Variants in UTRN observed in about 807,000 individuals in gnomAD.
UTRN encodes the protein dystrophin-related protein 1.
Under a neutral mutation model 463.9 loss-of-function variants are expected in UTRN, and 283 were observed. The ratio of observed to expected loss-of-function variants is 0.61; its 90% CI spans 0.55 to 0.67. The LOEUF is 0.67. Among genes scored for constraint, UTRN ranks in the 30% least tolerant of loss-of-function variants. UTRN has a pLI of 0.00. For synonymous variants in UTRN, 1,442 were observed against 1,431.5 expected (o/e 1.01, Z -0.17); for missense variants, 3,922 against 4,084.3 (o/e 0.96, Z 1.08).
At chr6:144,770,858 G>A (rs1793930574) in intron 58 of UTRN, among the ~76,000 whole-genome samples, 1 of 152,178 alleles carries the variant, frequency 6.6e-6, no homozygotes, top group Non-Finnish European at 1.5e-5. Context: ...ACTTGCCTGA[G>A]GGGAGTGGGG....
intron 2 of UTRN, among the ~76,000 whole-genome samples, chr6:144,352,274 T>A (rs1472904311): frequency 6.6e-6 from 1 of 152,190 alleles, no homozygotes; most frequent in Non-Finnish European, 1.5e-5. Context: ...AAAAGTAGAA[T>A]CTTTTTTGTG....
At position 144,632,616 on chromosome 6, in the gene UTRN, T is replaced by C. The variant is rs1585678587; in HGVS notation, c.7480-45790T>C. 2.6e-5 allele frequency among the ~76,000 whole-genome samples: 4 copies of C among 152,342 alleles called. No individual in the cohort carries two copies. In the South Asian group the frequency reaches 8.3e-4, roughly 32 times the overall value. On this transcript the variant is annotated intron_variant, in intron 51 of 74. Coordinates refer to ENST00000367545, the MANE Select transcript of UTRN (RefSeq NM_007124.3). ...ACTCCTTTCTCTGATACCTGCGGTC[T>C]TATTTAATTTTTACATCTTAACAGC...
chr6:144,604,422 T>G (rs1392068955), intron 51 of UTRN, among the ~76,000 whole-genome samples: 1 of 152,196 alleles, frequency 6.6e-6, no homozygotes, highest in Non-Finnish European at 1.5e-5. Context: ...TCTAGGCCGA[T>G]CTGCAAGATT....
chr6:144,674,203 A>G lies in UTRN; in HGVS notation c.7480-4203A>G, dbSNP rs549707144. On this transcript the variant is annotated intron_variant, in intron 51 of 74. Coordinates refer to ENST00000367545, the MANE Select transcript of UTRN (RefSeq NM_007124.3). ...GGATGTCTAGATTTTTAGCAAAACC[A>G]TGGAAGTTTTCATTGATTTTTTTTT... is the stretch of plus-strand genomic sequence containing the variant. Among the ~76,000 whole-genome samples, 5 of 146,702 alleles carry G rather than the reference A, an allele frequency of 3.4e-5. No homozygotes were observed. In the South Asian group the frequency reaches 8.7e-4, roughly 26 times the overall value.
chr6:144,462,906 G>A (rs769017242), intron 23 of UTRN, 40 bp downstream of exon 23: 13 of 1,426,142 alleles, frequency 9.1e-6, no homozygotes, highest in Non-Finnish European at 1.1e-5. Context: ...TTTATTACGG[G>A]GTAAATAGTA....
At chr6:144,536,828 T>G (rs1022929405) in intron 43 of UTRN, among the ~76,000 whole-genome samples, 16 of 152,084 alleles carry the variant, frequency 1.1e-4, no homozygotes, top group Non-Finnish European at 1.6e-4. Flanking sequence ...TCTAATCATA[T>G]TCCTCTCTTC....
At chr6:144,299,612 G>A (rs1805052339) in intron 2 of UTRN, among the ~76,000 whole-genome samples, 1 of 152,010 alleles carries the variant, frequency 6.6e-6, no homozygotes, top group South Asian at 2.1e-4. Flanking sequence ...GCGCTCCTTA[G>A]TTATTGCTGC....
chr6:144,711,016 T>A (rs536768858), intron 53 of UTRN, among the ~76,000 whole-genome samples: 2 of 152,294 alleles, frequency 1.3e-5, no homozygotes, highest in South Asian at 2.1e-4. Context: ...TTTTAAGGAC[T>A]GTTTTAAAAT....
intron 2 of UTRN, among the ~76,000 whole-genome samples, chr6:144,359,066 A>G (rs1778815483): frequency 6.6e-6 from 1 of 152,174 alleles, no homozygotes; most frequent in Non-Finnish European, 1.5e-5. Context: ...TTTCAACATT[A>G]TGGATAATAG....
intron 74 of UTRN, among the ~76,000 whole-genome samples, chr6:144,850,764 CAA>C (rs1782423885): frequency 6.6e-6 from 1 of 152,184 alleles, no homozygotes; most frequent in Non-Finnish European, 1.5e-5. Flanking sequence ...CCAGCCTGGC[CAA>C]GAGAAAAGAC....
intron 73 of UTRN, among the ~76,000 whole-genome samples, chr6:144,842,162 A>G (rs1426444233): frequency 2.0e-5 from 3 of 149,884 alleles, no homozygotes; most frequent in Non-Finnish European, 4.4e-5. Flanking sequence ...AAAAGAGATT[A>G]TCAATTATCA....
At position 144,406,609 on chromosome 6, in the gene UTRN, C is replaced by T. The variant is rs556308574; in HGVS notation, c.141+3425C>T. Among the ~76,000 whole-genome samples the T allele has an allele frequency of 3.4e-4, 51 of 152,230 alleles. No individual in the cohort carries two copies. In the East Asian group the frequency reaches 6.6e-3, roughly 20 times the overall value. On this transcript the variant is annotated intron_variant, in intron 3 of 74. Coordinates refer to ENST00000367545, the MANE Select transcript of UTRN (RefSeq NM_007124.3). ...TTCAAACTCCTGACCTCAAGTGATC[C>T]GCCTGCCTCGACCTCCCAAAGTGCT...
intron 9 of UTRN, among the ~76,000 whole-genome samples, chr6:144,433,878 G>C (rs1429115193): frequency 6.6e-6 from 1 of 151,104 alleles, no homozygotes; most frequent in African/African-American, 2.4e-5. Context: ...CAGGCAGAGG[G>C]GCTCCTCACA....
chr6:144,590,635 G>A (rs1378510380), intron 51 of UTRN, among the ~76,000 whole-genome samples: 1 of 152,126 alleles, frequency 6.6e-6, no homozygotes, highest in Non-Finnish European at 1.5e-5. Flanking sequence ...ATGCAGTGTT[G>A]CATTTTCCAT....
chr6:144,834,940 G>A (rs1021039130), intron 69 of UTRN, among the ~76,000 whole-genome samples: 11 of 152,190 alleles, frequency 7.2e-5, no homozygotes, highest in African/African-American at 2.7e-4. Context: ...AACGGACCAC[G>A]TGCCATCTGC....
At chr6:144,721,387 G>A (rs1390532186) in intron 53 of UTRN, among the ~76,000 whole-genome samples, 2 of 152,074 alleles carry the variant, frequency 1.3e-5, no homozygotes, top group Admixed American at 1.3e-4. Context: ...TTTTGTTGTT[G>A]TTATTGAGAC....
rs75296937 is a variant in UTRN at position 144,346,843 on chromosome 6, C to T, written c.79+54936C>T. Among the ~76,000 whole-genome samples, 1,043 of 150,750 alleles carry T rather than the reference C, an allele frequency of 6.9e-3. 13 individuals carry two copies. The highest frequency in any genetic ancestry group is 0.025 in the African/African-American group (999 of 40,156). ...GTTTAAAAAAAAAATAGATCTCTAT[C>T]TCTATCACTATCTCTCTGTCTATCT... On this transcript the variant is annotated intron_variant, in intron 2 of 74. Transcript: ENST00000367545.
intron 21 of UTRN, 89 bp from the exon 22 acceptor site, chr6:144,461,108 T>A (rs1789361558): frequency 9.0e-7 from 1 of 1,109,324 alleles, no homozygotes; most frequent in Admixed American, 2.9e-5. Flanking sequence ...TCCTTTGCCA[T>A]GTATTGGAAT....
intron 51 of UTRN, among the ~76,000 whole-genome samples, chr6:144,630,424 A>G (rs1464864940): frequency 1.3e-5 from 2 of 152,206 alleles, no homozygotes; most frequent in Non-Finnish European, 2.9e-5. Flanking sequence ...AGGCCTCACA[A>G]TCGTGGTGGA....
Sources: allele counts gnomAD v4.1 joint callset (sites outside exome capture counted in the v4.1 genomes callset), GRCh38; gene constraint gnomAD v4.1.1; transcripts MANE v1.5; gene names NCBI Gene and HGNC (gene_info 2026-07-23, HGNC 2026-07-21).